The following CDH13 variants were observed in gnomAD, a reference collection of about 807,000 sequenced individuals.
CDH13 encodes cadherin 13, also known as cadherin-13.
CDH13 carries 24 observed loss-of-function variants against 63.8 expected under a neutral mutation model. The ratio of observed to expected loss-of-function variants is 0.38; its 90% confidence interval spans 0.27 to 0.53. The LOEUF (loss-of-function observed/expected upper bound fraction) is 0.53. CDH13 is among the 20% of genes least tolerant of loss of function. CDH13 has a pLI of 0.85. For missense variants in CDH13, 1,049 were observed against 903.1 expected, an observed-to-expected ratio of 1.16 and a Z score of -2.07; for synonymous variants, 503 against 355.3, an observed-to-expected ratio of 1.42 and a Z score of -4.67.
At chr16:83,613,649 G>A (rs959336126) in intron 8 of CDH13, among the ~76,000 whole-genome samples, 2 of 152,072 alleles carry the variant, frequency 1.3e-5, no homozygotes, top group African/African-American at 4.8e-5. Context: ...TGGCCAACAT[G>A]GTGAAACCCT....
rs201482008 is a variant in CDH13, at chr16:82,801,173, C to G, written c.46-57189C>G. Among the ~76,000 whole-genome samples the G allele has an allele frequency of 3.3e-5, 5 of 152,304 alleles. No homozygotes were observed. In the East Asian group the frequency reaches 7.7e-4, roughly 24 times the overall value. ...GGCTTCCTAACCTCTCAGACTCACT[C>G]TCTGCCCTACAGAGCCTTAGAAGGA... is the stretch of plus-strand genomic sequence containing the variant. On this transcript the variant is annotated intron_variant, in intron 1 of 13. Coordinates refer to ENST00000567109, the MANE Select transcript of CDH13 (RefSeq NM_001257.5).
chr16:83,433,398 C>T (rs998677310), intron 6 of CDH13, among the ~76,000 whole-genome samples: 6 of 152,192 alleles, frequency 3.9e-5, no homozygotes, highest in Non-Finnish European at 8.8e-5. Context: ...TTTGTGACTT[C>T]TAATTCAGCA....
At chr16:83,106,021 G>C (rs2034746838) in intron 3 of CDH13, among the ~76,000 whole-genome samples, 1 of 152,192 alleles carries the variant, frequency 6.6e-6, no homozygotes, top group African/African-American at 2.4e-5. Flanking sequence ...GCCTTCACAA[G>C]ATTAAATTTG....
intron 2 of CDH13, among the ~76,000 whole-genome samples, chr16:82,875,765 T>C (rs764163350): frequency 3.3e-5 from 5 of 152,238 alleles, no homozygotes; most frequent in Non-Finnish European, 5.9e-5. Context: ...ACTAGCTATT[T>C]GCATGCAATT....
At chr16:83,087,103 C>A (rs540956342) in intron 3 of CDH13, among the ~76,000 whole-genome samples, 1 of 152,080 alleles carries the variant, frequency 6.6e-6, no homozygotes, top group Non-Finnish European at 1.5e-5. Flanking sequence ...AATCAATGAA[C>A]CAAATAGTTG....
At chr16:82,647,808 A>T (rs1910273372) in intron 1 of CDH13, among the ~76,000 whole-genome samples, 1 of 152,200 alleles carries the variant, frequency 6.6e-6, no homozygotes, top group Admixed American at 6.5e-5. Context: ...GCTGTCTGTC[A>T]GTGTCTAATG....
chr16:82,662,605 C>G (rs530053864), intron 1 of CDH13, among the ~76,000 whole-genome samples: 3 of 152,342 alleles, frequency 2.0e-5, no homozygotes, highest in African/African-American at 7.2e-5. Context: ...CAGGCATACC[C>G]TGCTTTTCCT....
At chr16:83,082,109 C>T (rs369529737) in intron 3 of CDH13, among the ~76,000 whole-genome samples, 94 of 152,270 alleles carry the variant, frequency 6.2e-4, no homozygotes, top group African/African-American at 2.2e-3. Flanking sequence ...CACCTAATTA[C>T]TTCTTAATGG....
intron 4 of CDH13, among the ~76,000 whole-genome samples, chr16:83,140,463 T>C (rs2036483339): frequency 6.6e-6 from 1 of 151,866 alleles, no homozygotes; most frequent in Non-Finnish European, 1.5e-5. Flanking sequence ...ATCTTTTTTC[T>C]TTTTTTTGAG....
At chr16:83,070,865 C>T (rs116431904) in intron 3 of CDH13, among the ~76,000 whole-genome samples, 2 of 145,188 alleles carry the variant, frequency 1.4e-5, no homozygotes, top group East Asian at 2.2e-4. Context: ...GCCCCCCCCC[C>T]CCCAAATATC....
chr16:83,140,578 A>C (rs1392098090), intron 4 of CDH13, among the ~76,000 whole-genome samples: 2 of 151,924 alleles, frequency 1.3e-5, no homozygotes, highest in East Asian at 1.9e-4. Context: ...CTCAGCCCCC[A>C]GGGTAGCTGG....
intron 13 of CDH13, among the ~76,000 whole-genome samples, chr16:83,794,159 A>T (rs1189498940): frequency 6.6e-6 from 1 of 152,174 alleles, no homozygotes; most frequent in African/African-American, 2.4e-5. Context: ...CATAAGACTG[A>T]GCTCAGTCTT....
chr16:82,871,709 G>A (rs2040347298), intron 2 of CDH13, among the ~76,000 whole-genome samples: 1 of 152,116 alleles, frequency 6.6e-6, no homozygotes, highest in Admixed American at 6.5e-5. Context: ...TCACATGATT[G>A]AAAATTTCAC....
intron 7 of CDH13, among the ~76,000 whole-genome samples, chr16:83,558,384 T>A (rs2075642082): frequency 6.6e-6 from 1 of 152,050 alleles, no homozygotes; most frequent in African/African-American, 2.4e-5. Flanking sequence ...TCAAAAAAAA[T>A]GGGGAATTTA....
intron 7 of CDH13, among the ~76,000 whole-genome samples, chr16:83,544,596 G>A (rs2075351557): frequency 6.6e-6 from 1 of 152,056 alleles, no homozygotes; most frequent in South Asian, 2.1e-4. Flanking sequence ...ATCACAAGAG[G>A]ATATGGCACC....
chr16:82,644,613 C>T lies in CDH13; in HGVS notation c.45+17476C>T, dbSNP rs977798199. ...GGCAAAGCTGAGGGGCTGTACGTGT[C>T]TTCATAGGTCTCCAGTCTGTAAAAG... is the stretch of plus-strand genomic sequence containing the variant. On this transcript the variant is annotated intron_variant, in intron 1 of 13. Transcript: ENST00000567109. The surrounding 1 kb of genome is among the most constrained non-coding windows in gnomAD (Gnocchi z 5.7). 2.6e-5 allele frequency among the ~76,000 whole-genome samples: 4 copies of T among 152,162 alleles called. No homozygotes were observed. Among genetic ancestry groups the T allele is most frequent in the Non-Finnish European group, 4.4e-5 (3 of 68,026 alleles).
intron 1 of CDH13, among the ~76,000 whole-genome samples, chr16:82,783,977 T>C (rs111587486): frequency 0.044 from 6,663 of 152,320 alleles, 214 homozygotes; most frequent in Non-Finnish European, 0.069. Flanking sequence ...TGTTTTTTTC[T>C]TCTACCTCCG....
At chr16:83,199,728 C>T (rs568426682) in intron 4 of CDH13, among the ~76,000 whole-genome samples, 1 of 152,270 alleles carries the variant, frequency 6.6e-6, no homozygotes, top group South Asian at 2.1e-4. Context: ...TACTATGTGC[C>T]TGCCACGGTA....
At chr16:83,046,241 G>A (rs1442459415) in intron 3 of CDH13, among the ~76,000 whole-genome samples, 1 of 152,168 alleles carries the variant, frequency 6.6e-6, no homozygotes. Context: ...GGGGCCCATA[G>A]CAGTGGCAGA....
Sources: allele counts gnomAD v4.1 joint callset (sites outside exome capture counted in the v4.1 genomes callset), GRCh38; gene constraint gnomAD v4.1.1; non-coding constraint Gnocchi (gnomAD v3.1); transcripts MANE v1.5; gene names NCBI Gene and HGNC (gene_info 2026-07-23, HGNC 2026-07-21).